ESRRG: variants seen among roughly 807,000 people sequenced by gnomAD.
ESRRG encodes estrogen related receptor gamma.
In ESRRG, 13 loss-of-function variants were observed where a neutral mutation model predicts 44.0. The ratio of observed to expected loss-of-function variants is 0.30; its 90% CI spans 0.19 to 0.47. The LOEUF (loss-of-function observed/expected upper bound fraction) is 0.47, where lower values mean the gene tolerates loss of function less well. Among genes scored for constraint, ESRRG ranks in the 20% least tolerant of loss-of-function variants. The pLI is 1.00. For synonymous variants in ESRRG, 215 were observed against 214.6 expected (o/e 1.00, Z -0.02); for missense variants, 395 against 580.6 (o/e 0.68, Z 3.29).
chr1:216,941,142 T>G (rs1181623023), intron 1 of ESRRG, among the ~76,000 whole-genome samples: 1 of 152,096 alleles, frequency 6.6e-6, no homozygotes, highest in Non-Finnish European at 1.5e-5. Flanking sequence ...TCTAGGATTG[T>G]GAAGATAAGA....
At chr1:216,931,415 C>T (rs2063323256) in intron 2 of ESRRG, among the ~76,000 whole-genome samples, 1 of 152,190 alleles carries the variant, frequency 6.6e-6, no homozygotes, top group Non-Finnish European at 1.5e-5. Flanking sequence ...CCTTGACCCA[C>T]ACTGAGAAAC....
At chr1:217,132,810 C>T (rs1319359373) in intron 1 of ESRRG, among the ~76,000 whole-genome samples, 1 of 152,090 alleles carries the variant, frequency 6.6e-6, no homozygotes, top group Non-Finnish European at 1.5e-5. Context: ...TCTAAGAGGA[C>T]AATTCCTCTT....
At chr1:216,983,686 ATGTGTGTG>A (rs6143621) in intron 1 of ESRRG, among the ~76,000 whole-genome samples, 14,844 of 149,326 alleles carry the variant, frequency 0.099, 1,801 homozygotes, top group African/African-American at 0.29. Context: ...GTGCATGTGC[ATGTGTGTG>A]TGTGTGTGTG....
At chr1:216,508,030 T>C (rs2041674119) in intron 6 of ESRRG, among the ~76,000 whole-genome samples, 4 of 152,220 alleles carry the variant, frequency 2.6e-5, no homozygotes, top group Non-Finnish European at 5.9e-5. Context: ...TAGCACGTTT[T>C]ATTGATTCTG....
chr1:216,822,526 T>C (rs200769156), intron 2 of ESRRG, among the ~76,000 whole-genome samples: 3 of 152,118 alleles, frequency 2.0e-5, no homozygotes, highest in East Asian at 1.9e-4. Flanking sequence ...CTTAAAGTGG[T>C]AAATATGTTT....
intron 5 of ESRRG, among the ~76,000 whole-genome samples, chr1:216,556,824 T>TA (rs1403349371): frequency 1.3e-5 from 2 of 152,158 alleles, no homozygotes; most frequent in East Asian, 3.9e-4. Context: ...ATTTGTGCTG[T>TA]ATTCATGTGT....
rs545504640 is a variant in ESRRG, at chr1:217,066,703, G to GT, written c.-106+22803dup. Reference sequence around the variant, plus strand: ...TTGGGGCTGGACAATTCTTTGCTGTGTGGGGGGATGCCCTGTGGACTGCAT... The same window carrying GT: ...TTGGGGCTGGACAATTCTTTGCTGTGTTGGGGGGATGCCCTGTGGACTGCAT... On this transcript the variant is annotated intron_variant, in intron 1 of 7. Coordinates refer to the ESRRG transcript ENST00000359162. Among the ~76,000 whole-genome samples, 462 of 152,320 alleles carry GT rather than the reference G, an allele frequency of 3.0e-3. 2 individuals carry two copies. The highest frequency in any genetic ancestry group is 0.01 in the African/African-American group (436 of 41,572).
intron 2 of ESRRG, among the ~76,000 whole-genome samples, chr1:216,756,515 T>C (rs1282792529): frequency 1.3e-5 from 2 of 151,854 alleles, no homozygotes; most frequent in African/African-American, 2.4e-5. Context: ...GAAAATCAGG[T>C]TTTTTCTCTC....
rs944575728 is a variant in ESRRG, at chr1:216,967,563, G to A, written c.-105-27890C>T. ...TTTCCTTTATGTATTTTCATCACTT[G>A]ATAGCTCATTTCTTTTTAGCAGTGA... On this transcript the variant is annotated intron_variant, in intron 1 of 7. Transcript: ENST00000359162. 2.6e-5 allele frequency among the ~76,000 whole-genome samples: 4 copies of A among 152,140 alleles called. 1 individual carries two copies. The highest frequency in any genetic ancestry group is 1.3e-4 in the Admixed American group (2 of 15,278).
At chr1:216,851,277 T>C (rs978338786) in intron 2 of ESRRG, among the ~76,000 whole-genome samples, 2 of 152,102 alleles carry the variant, frequency 1.3e-5, no homozygotes, top group Admixed American at 6.6e-5. Context: ...TCAGCAGACC[T>C]GAAACCAACA....
intron 2 of ESRRG, among the ~76,000 whole-genome samples, chr1:216,884,984 T>A (rs1369276573): frequency 6.6e-6 from 1 of 152,152 alleles, no homozygotes; most frequent in Non-Finnish European, 1.5e-5. Flanking sequence ...TGAAGTCAAA[T>A]GACTTTGTAT....
intron 3 of ESRRG, among the ~76,000 whole-genome samples, chr1:216,642,481 A>G (rs2066649493): frequency 6.6e-6 from 1 of 152,016 alleles, no homozygotes; most frequent in African/African-American, 2.4e-5. Context: ...TACATTCCCA[A>G]ATGGCTTAAT....
At chr1:217,074,362 A>G (rs981068046) in intron 1 of ESRRG, among the ~76,000 whole-genome samples, 1 of 151,444 alleles carries the variant, frequency 6.6e-6, no homozygotes, top group Non-Finnish European at 1.5e-5. Flanking sequence ...AATCCCTTTA[A>G]ATGTCCCTCT....
intron 1 of ESRRG, among the ~76,000 whole-genome samples, chr1:216,696,225 G>C (rs935922441): frequency 1.3e-5 from 2 of 152,172 alleles, no homozygotes; most frequent in Admixed American, 6.5e-5. Context: ...AAAGAAAGCT[G>C]TAGTTGAACC....
intron 1 of ESRRG, among the ~76,000 whole-genome samples, chr1:216,983,469 C>T (rs139684183): frequency 1.5e-4 from 23 of 152,070 alleles, no homozygotes; most frequent in Non-Finnish European, 2.1e-4. Flanking sequence ...TGGGCTCAAG[C>T]GATCCTCCCA....
At chr1:216,516,668 C>CACACAGAGAGAGAGAG (rs376701865) in intron 6 of ESRRG, among the ~76,000 whole-genome samples, 185 of 137,238 alleles carry the variant, frequency 1.3e-3, no homozygotes, top group Middle Eastern at 7.6e-3. Flanking sequence ...CACACACACA[C>CACACAGAGAGAGAGAG]AGAGAGAGAG....
At chr1:216,860,963 G>A (rs1042010935) in intron 2 of ESRRG, among the ~76,000 whole-genome samples, 2 of 152,078 alleles carry the variant, frequency 1.3e-5, no homozygotes, top group African/African-American at 2.4e-5. Context: ...CACAGAGGTC[G>A]AGGGAGGAAA....
At chr1:216,895,147 A>G (rs573962607) in intron 2 of ESRRG, among the ~76,000 whole-genome samples, 11 of 152,230 alleles carry the variant, frequency 7.2e-5, no homozygotes, top group African/African-American at 2.4e-4. Flanking sequence ...ACATCACTGC[A>G]TTTCCTTGAA....
At chr1:217,036,359 ATG>A (rs1300269647) in intron 1 of ESRRG, among the ~76,000 whole-genome samples, 10 of 152,228 alleles carry the variant, frequency 6.6e-5, no homozygotes, top group Non-Finnish European at 1.5e-4. Flanking sequence ...AGATACATTC[ATG>A]TGTATGTTCA....
Sources: gnomAD v4.1 joint callset for allele counts (sites outside exome capture counted in the v4.1 genomes callset) on GRCh38, gnomAD v4.1.1 for gene constraint, MANE v1.5 for transcripts, NCBI Gene and HGNC (gene_info 2026-07-23, HGNC 2026-07-21) for gene names.